The following COL6A1 variants were observed in gnomAD, a reference collection of about 807,000 sequenced individuals.
COL6A1 encodes the protein collagen type VI alpha 1 chain, also known as collagen alpha-1(VI) chain.
In COL6A1, 80 loss-of-function variants were observed where a neutral mutation model predicts 145.6. The ratio of observed to expected loss-of-function variants is 0.55; its 90% confidence interval spans 0.46 to 0.66. The LOEUF is 0.66. Among genes scored for constraint, COL6A1 ranks in the 30% least tolerant of loss-of-function variants. COL6A1 has a pLI of 0.00. For missense variants in COL6A1, 1,364 were observed against 1,473.8 expected, an observed-to-expected ratio of 0.93 and a Z score of 1.22; for synonymous variants, 638 against 622.8, an observed-to-expected ratio of 1.02 and a Z score of -0.36.
At chr21:45,985,600 C>T (rs1201200126) in intron 3 of COL6A1, among the ~76,000 whole-genome samples, 5 of 152,220 alleles carry the variant, frequency 3.3e-5, no homozygotes, top group African/African-American at 2.4e-5. Flanking sequence ...GCTGTGGGGA[C>T]GCAGGGGCCG....
intron 19 of COL6A1, among the ~76,000 whole-genome samples, chr21:45,993,611 C>T (rs1042642713): frequency 1.5e-4 from 23 of 152,156 alleles, no homozygotes; most frequent in Non-Finnish European, 2.1e-4. Flanking sequence ...CCAGAGTCGC[C>T]GCCACCGAGG....
chr21:45,993,214 A>G (rs2077786532), intron 19 of COL6A1, among the ~76,000 whole-genome samples: 1 of 152,228 alleles, frequency 6.6e-6, no homozygotes, highest in Non-Finnish European at 1.5e-5. Context: ...AACTCACCCC[A>G]GAGCCGAGAT....
At chr21:46,000,544 C>G (rs571952119) in intron 28 of COL6A1, among the ~76,000 whole-genome samples, 177 bp downstream of exon 28, 1 of 152,198 alleles carries the variant, frequency 6.6e-6, no homozygotes, top group Non-Finnish European at 1.5e-5. Flanking sequence ...CCCGGGTCCC[C>G]GCACAGGCTG....
Position 45,986,999 on chromosome 21 carries a change from C to G in COL6A1, c.644C>G (p.Ala215Gly). ...CACACGTACCGGCGCAACTTCACGGCGGCTGACTGGGGCCAGAGCCGCGAC... is the reference window on the plus strand; with the variant it reads ...CACACGTACCGGCGCAACTTCACGGGGGCTGACTGGGGCCAGAGCCGCGAC... ...TDHTYRRNFT[A>G]ADWGQSRDAE... is the part of the protein sequence containing the mutation. The change falls in exon 5 of 35, where the codon GCG (alanine) becomes GGG (glycine). Residue 215 changes from alanine (A) to glycine (G), a missense_variant. Physicochemically the swap from Ala to Gly is moderately conservative, Grantham distance 60 (BLOSUM62 0). Coordinates refer to ENST00000361866, the MANE Select transcript of COL6A1 (RefSeq NM_001848.3). The G allele has an allele frequency of 6.4e-7, 1 of 1,551,496 alleles. No homozygotes were observed. The highest frequency in any genetic ancestry group is 8.7e-7 in the Non-Finnish European group (1 of 1,148,286).
chr21:45,991,606 C>T (rs1057272148), intron 15 of COL6A1, among the ~76,000 whole-genome samples: 6 of 152,114 alleles, frequency 3.9e-5, no homozygotes, highest in Non-Finnish European at 8.8e-5. Context: ...AAGACAAAGG[C>T]GAATGCTGAC....
chr21:45,984,385 G>C lies in COL6A1; in HGVS notation c.344G>C (p.Ser115Thr), dbSNP rs372627181. 6.2e-6 allele frequency: 10 copies of C among 1,612,772 alleles called. No individual in the cohort carries two copies. The East Asian group carries it at 6.7e-5, about 11-fold the overall frequency. ...RMPGGRDALK[S>T]SVDAVKYFGK... ...CCTGGCGGCCGCGACGCACTCAAAAGCAGCGTGGACGCGGTCAAGTACTTT... is the reference window on the plus strand; with the variant it reads ...CCTGGCGGCCGCGACGCACTCAAAACCAGCGTGGACGCGGTCAAGTACTTT... Residue 115 changes from serine (S) to threonine (T), a missense_variant, in exon 3 of 35, where the codon AGC (serine) becomes ACC (threonine). This residue lies in a region of COL6A1 where 414 missense variants were observed against 437.6 expected (regional missense o/e 0.95). Coordinates refer to ENST00000361866, the MANE Select transcript of COL6A1 (RefSeq NM_001848.3).
At chr21:45,990,933 C>T (rs754688337) in intron 14 of COL6A1, 46 bp from the exon 15 acceptor site, 47 of 1,611,542 alleles carry the variant, frequency 2.9e-5, no homozygotes, top group South Asian at 2.1e-4. Flanking sequence ...TGCCAGAGGC[C>T]GCGGTGGCCT....
At chr21:45,989,221 T>C (rs1166587676) in intron 9 of COL6A1, 84 bp downstream of exon 9, 3 of 1,447,324 alleles carry the variant, frequency 2.1e-6, no homozygotes, top group South Asian at 1.3e-5. Flanking sequence ...GAAGAGTGGC[T>C]GGGTTCTGAG....
chr21:45,993,866 A>T (rs1181029587), intron 19 of COL6A1, among the ~76,000 whole-genome samples: 1 of 152,230 alleles, frequency 6.6e-6, no homozygotes, highest in East Asian at 1.9e-4. Context: ...GTCCATGGCT[A>T]CAAACACTTG....
At chr21:45,983,784 G>A (rs538211307) in intron 2 of COL6A1, among the ~76,000 whole-genome samples, 3 of 148,966 alleles carry the variant, frequency 2.0e-5, no homozygotes, top group East Asian at 2.1e-4. Context: ...GAAATGGGGC[G>A]GAGTCATCCC....
chr21:45,994,623 A>G lies in COL6A1; in HGVS notation c.1398+394A>G, dbSNP rs1017486085. 6.6e-6 allele frequency among the ~76,000 whole-genome samples: 1 copy of G among 152,142 alleles called. No homozygotes were observed. Among genetic ancestry groups the G allele is most frequent in the African/African-American group, 2.4e-5 (1 of 41,422 alleles). On this transcript the variant is annotated intron_variant, in intron 20 of 34. Coordinates refer to ENST00000361866, the MANE Select transcript of COL6A1 (RefSeq NM_001848.3). The surrounding 1 kb of genome is among the most constrained non-coding windows in gnomAD (Gnocchi z 6.8). ...CAGGCATGACTGTGGCTGGAGGTCAACTGGGGAGTGTGAGGCTATGGAGGT... is the reference window on the plus strand; with the variant it reads ...CAGGCATGACTGTGGCTGGAGGTCAGCTGGGGAGTGTGAGGCTATGGAGGT...
chr21:46,004,524 C>T lies in COL6A1; in HGVS notation c.*511C>T. 1 of 313,738 alleles carries T rather than the reference C, an allele frequency of 3.2e-6. No homozygotes were observed. The highest frequency in any genetic ancestry group is 2.4e-5 in the South Asian group (1 of 41,440). 19.4% of individuals were successfully genotyped at this position (313,738 alleles called of 1,614,324 possible). A position where few individuals can be genotyped will look rare whatever the true frequency, so the allele number is the denominator to read the frequency against. ...CCATAGCTGGTTTTTCCCACCAATCCTCACCTAACAGTTACTTTACAATTA... is the reference window on the plus strand; with the variant it reads ...CCATAGCTGGTTTTTCCCACCAATCTTCACCTAACAGTTACTTTACAATTA... On this transcript the variant is annotated 3_prime_UTR_variant, in exon 35 of 35. Coordinates refer to ENST00000361866, the MANE Select transcript of COL6A1 (RefSeq NM_001848.3).
Position 46,003,822 on chromosome 21 carries a change from G to C in COL6A1, c.2896G>C (p.Gly966Arg). 6.2e-7 allele frequency: 1 copy of C among 1,605,544 alleles called. No homozygotes were observed. The highest frequency in any genetic ancestry group is 8.5e-7 in the Non-Finnish European group (1 of 1,173,936). The change falls in exon 35 of 35, where the codon GGC becomes CGC. Residue 966 changes from glycine (G) to arginine (R), a missense_variant. Physicochemically the swap from Gly to Arg is moderately radical, Grantham distance 125. Around this residue, in one of 3 missense-constraint regions of COL6A1, gnomAD observed 938 missense variants for 1,003.8 expected, o/e 0.93. Transcript: ENST00000361866. ...EKAVQEAQRA[G>R]IEIFVVVVGR... ...GGCCGTGCAGGAAGCCCAGCGGGCA[G>C]GCATCGAGATCTTCGTGGTGGTCGT...
chr21:45,982,061 C>G, intron 1 of COL6A1, 114 bp downstream of exon 1: 1 of 873,570 alleles, frequency 1.1e-6, no homozygotes, highest in Non-Finnish European at 1.8e-6. Flanking sequence ...GGCCTGGAGC[C>G]CCTGAACCCC....
In COL6A1 at chr21:46,003,447, G is replaced by C; in HGVS notation, c.2521G>C (p.Gly841Arg). 1 of 1,605,400 alleles carries C rather than the reference G, an allele frequency of 6.2e-7. No homozygotes were observed. The highest frequency in any genetic ancestry group is 2.2e-5 in the East Asian group (1 of 44,868). Residue 841 changes from glycine (G) to arginine (R), a missense_variant, in exon 35 of 35, where the codon GGC (glycine) becomes CGC (arginine). Coordinates refer to ENST00000361866, the MANE Select transcript of COL6A1 (RefSeq NM_001848.3). ...TILLDGSASV[G>R]SHNFDTTKRF... ...CCTGCTGGACGGCTCCGCCAGCGTG[G>C]GCAGCCACAACTTTGACACCACCAA...
chr21:46,001,797 G>T (rs2077847071), intron 30 of COL6A1, among the ~76,000 whole-genome samples, 164 bp from the exon 31 acceptor site: 1 of 151,712 alleles, frequency 6.6e-6, no homozygotes, highest in African/African-American at 2.4e-5. Context: ...CCCGGGGGCT[G>T]TGCCACCCTC....
intron 28 of COL6A1, 134 bp from the exon 29 acceptor site, chr21:46,000,625 G>A (rs1213542429): frequency 1.4e-6 from 2 of 1,401,328 alleles, no homozygotes; most frequent in Non-Finnish European, 2.0e-6. Context: ...CGGGGCAGGA[G>A]GCCGGGGAAG....
intron 9 of COL6A1, 142 bp downstream of exon 9, chr21:45,989,279 G>T: frequency 1.1e-6 from 1 of 932,154 alleles, no homozygotes; most frequent in East Asian, 2.5e-5. Flanking sequence ...CAGACCTGGA[G>T]GGGCCACAGC....
At chr21:45,984,071 G>A (rs533995016) in intron 2 of COL6A1, among the ~76,000 whole-genome samples, 198 bp from the exon 3 acceptor site, 6 of 152,196 alleles carry the variant, frequency 3.9e-5, no homozygotes, top group Non-Finnish European at 7.4e-5. Flanking sequence ...GGATCGGGGC[G>A]CAGGTCGCTT....
Sources: allele counts gnomAD v4.1 joint callset (sites outside exome capture counted in the v4.1 genomes callset), GRCh38; gene constraint gnomAD v4.1.1; regional missense constraint gnomAD v4.1.1; non-coding constraint Gnocchi (gnomAD v3.1); transcripts MANE v1.5; gene names NCBI Gene and HGNC (gene_info 2026-07-23, HGNC 2026-07-21).